The following CDH4 variants were observed in gnomAD, a reference collection of about 807,000 sequenced individuals.
CDH4 encodes the protein cadherin 4, also known as cadherin-4.
Under a neutral mutation model 86.0 loss-of-function variants are expected in CDH4, and 33 were observed. That is an observed-to-expected ratio of 0.38 (90% CI 0.29 to 0.51). The LOEUF (loss-of-function observed/expected upper bound fraction) is 0.51, where lower values mean the gene tolerates loss of function less well. Among genes scored for constraint, CDH4 ranks in the 20% least tolerant of loss-of-function variants. The pLI is 0.86. For missense variants in CDH4, 1,114 were observed against 1,307.4 expected (o/e 0.85, Z 2.28); for synonymous variants, 555 against 549.4 (o/e 1.01, Z -0.14).
At chr20:61,730,680 C>A (rs1398619955) in intron 2 of CDH4, among the ~76,000 whole-genome samples, 1 of 152,222 alleles carries the variant, frequency 6.6e-6, no homozygotes, top group African/African-American at 2.4e-5. Context: ...TCAGGCCCTG[C>A]CTGTGCTTGG....
chr20:61,743,553 C>T lies in CDH4; in HGVS notation c.170-10C>T. On this transcript the variant is annotated splice_polypyrimidine_tract_variant and intron_variant, in intron 2 of 15. Coordinates refer to ENST00000614565, the MANE Select transcript of CDH4 (RefSeq NM_001794.5). The stretch of plus-strand genomic sequence containing the variant: ...AAGCCGACCCTGACTCTCTCCCCCT[C>T]CTCTTGCAGTCAAGTTCAGCAGCTG... The T allele has an allele frequency of 1.9e-6, 3 of 1,553,780 alleles. No individual in the cohort carries two copies. The highest frequency in any genetic ancestry group is 1.4e-5 in the African/African-American group (1 of 73,512).
intron 3 of CDH4, among the ~76,000 whole-genome samples, chr20:61,767,673 G>A (rs1039086223): frequency 1.3e-5 from 2 of 152,186 alleles, no homozygotes; most frequent in African/African-American, 4.8e-5. Flanking sequence ...AGCTGAGAGT[G>A]CATCAGGGAG....
intron 2 of CDH4, among the ~76,000 whole-genome samples, chr20:61,688,701 C>T (rs189670739): frequency 2.6e-5 from 4 of 152,350 alleles, no homozygotes; most frequent in African/African-American, 7.2e-5. Flanking sequence ...AGAGAGCTTC[C>T]GCCAGTGCCC....
intron 2 of CDH4, among the ~76,000 whole-genome samples, chr20:61,368,737 G>C (rs1242005272): frequency 6.6e-6 from 1 of 151,826 alleles, no homozygotes; most frequent in Non-Finnish European, 1.5e-5. Context: ...GGCTGGTCTT[G>C]AACTCCTGGC....
At chr20:61,400,222 C>G (rs1032483559) in intron 2 of CDH4, among the ~76,000 whole-genome samples, 3 of 152,222 alleles carry the variant, frequency 2.0e-5, no homozygotes, top group African/African-American at 7.2e-5. Flanking sequence ...GCAGAAACTC[C>G]TGGAGACCTG....
chr20:61,264,743 G>T (rs1422488975), intron 2 of CDH4, among the ~76,000 whole-genome samples: 1 of 135,054 alleles, frequency 7.4e-6, no homozygotes, highest in African/African-American at 2.9e-5. Context: ...CCTTCATTCA[G>T]TCCTACACAT....
intron 2 of CDH4, among the ~76,000 whole-genome samples, chr20:61,558,293 A>G (rs1016946275): frequency 1.3e-5 from 2 of 152,062 alleles, no homozygotes; most frequent in East Asian, 1.9e-4. Flanking sequence ...TTGGTCCCAA[A>G]TCTAGGACCA....
At chr20:61,566,737 T>C (rs1206606390) in intron 2 of CDH4, among the ~76,000 whole-genome samples, 1 of 152,002 alleles carries the variant, frequency 6.6e-6, no homozygotes, top group Non-Finnish European at 1.5e-5. Context: ...GCCGGAAAGA[T>C]TGGAAGCCCA....
chr20:61,615,917 G>C (rs904095997), intron 2 of CDH4, among the ~76,000 whole-genome samples: 1 of 152,084 alleles, frequency 6.6e-6, no homozygotes, highest in South Asian at 2.1e-4. Context: ...CTCGCTGCTG[G>C]CTGGATTTTC....
At chr20:61,719,277 A>C (rs1287733632) in intron 2 of CDH4, 3 of 378,796 alleles carry the variant, frequency 7.9e-6, no homozygotes, top group Non-Finnish European at 1.6e-5. Context: ...ATGTAAAAGA[A>C]CATTTCTGTG....
At chr20:61,550,558 G>A (rs773279565) in intron 2 of CDH4, among the ~76,000 whole-genome samples, 11 of 150,428 alleles carry the variant, frequency 7.3e-5, no homozygotes, top group African/African-American at 1.7e-4. Context: ...GTATATCTGC[G>A]GGACCCTGCC....
intron 2 of CDH4, among the ~76,000 whole-genome samples, chr20:61,263,397 C>T (rs2084138677): frequency 6.6e-6 from 1 of 152,152 alleles, no homozygotes; most frequent in Non-Finnish European, 1.5e-5. Context: ...AGTATGTGCT[C>T]CCCGAGGCCA....
intron 2 of CDH4, among the ~76,000 whole-genome samples, chr20:61,304,003 A>T (rs994352643): frequency 2.1e-4 from 32 of 152,072 alleles, no homozygotes; most frequent in Non-Finnish European, 1.5e-5. Flanking sequence ...GGCCGTAGGG[A>T]TAGGCTCCTG....
rs1222417582 is a variant in CDH4 at position 61,810,099 on chromosome 20, G to C, written c.577-34569G>C. On this transcript the variant is annotated intron_variant, in intron 4 of 15. Coordinates refer to ENST00000614565, the MANE Select transcript of CDH4 (RefSeq NM_001794.5). This position sits in a 1 kb window ranked among gnomAD's most constrained non-coding sequence, Gnocchi z 4.3. ...CACATCCAGAGGTTTGGCTAGCGTT[G>C]GTCAGACCTGGACGGGCCTCAGCCG... Among the ~76,000 whole-genome samples, 1 of 152,190 alleles carries C rather than the reference G, an allele frequency of 6.6e-6. No homozygotes were observed. The highest frequency in any genetic ancestry group is 1.5e-5 in the Non-Finnish European group (1 of 68,034).
At chr20:61,373,500 C>G (rs1274478474) in intron 2 of CDH4, among the ~76,000 whole-genome samples, 1 of 152,232 alleles carries the variant, frequency 6.6e-6, no homozygotes, top group African/African-American at 2.4e-5. Flanking sequence ...CATTACATTT[C>G]TCATAATGAA....
intron 2 of CDH4, among the ~76,000 whole-genome samples, chr20:61,343,221 C>T (rs1454026650): frequency 6.6e-6 from 1 of 152,212 alleles, no homozygotes; most frequent in Non-Finnish European, 1.5e-5. Context: ...AGTTTTTGCA[C>T]TTAGCATGCG....
chr20:61,862,454 GA>G (rs1983372223), intron 6 of CDH4, among the ~76,000 whole-genome samples: 1 of 152,206 alleles, frequency 6.6e-6, no homozygotes, highest in African/African-American at 2.4e-5. Context: ...GTCCTTGATG[GA>G]CAGGTGGGGT....
intron 7 of CDH4, among the ~76,000 whole-genome samples, chr20:61,875,667 T>G (rs1225154269): frequency 6.6e-6 from 1 of 152,200 alleles, no homozygotes. Flanking sequence ...ACCTCAGGAC[T>G]GCAGGATCCG....
At position 61,505,228 on chromosome 20, in the gene CDH4, G is replaced by A. The variant is rs1270937501; in HGVS notation, c.170-238335G>A. On this transcript the variant is annotated intron_variant, in intron 2 of 15. Transcript: ENST00000614565. ...TGGCTAAAAAGAGTTAAATGAAGAC[G>A]AGAGCAGGAGAGAGCAGCACCGTCA... Among the ~76,000 whole-genome samples the A allele has an allele frequency of 2.6e-5, 4 of 152,186 alleles. 1 individual carries two copies. Among genetic ancestry groups the A allele is most frequent in the African/African-American group, 4.8e-5 (2 of 41,448 alleles).
Sources: gnomAD v4.1 joint callset for allele counts (sites outside exome capture counted in the v4.1 genomes callset) on GRCh38, gnomAD v4.1.1 for gene constraint, Gnocchi (gnomAD v3.1) non-coding constraint, MANE v1.5 for transcripts, NCBI Gene and HGNC (gene_info 2026-07-23, HGNC 2026-07-21) for gene names.